Variants in USH2A observed in about 807,000 individuals in gnomAD.
USH2A encodes the protein usherin.
Under a neutral mutation model 538.9 loss-of-function variants are expected in USH2A, and 443 were observed. The ratio of observed to expected loss-of-function variants is 0.82; its 90% CI spans 0.76 to 0.89. USH2A has a LOEUF of 0.89. USH2A is among the 40% of genes least tolerant of loss of function. The pLI, the probability that USH2A is intolerant of heterozygous loss-of-function variation, is 0.00. For synonymous variants in USH2A, 2,413 were observed against 2,273.5 expected, an observed-to-expected ratio of 1.06 and a Z score of -1.75; for missense variants, 6,633 against 6,324.8, an observed-to-expected ratio of 1.05 and a Z score of -1.65.
intron 9 of USH2A, among the ~76,000 whole-genome samples, chr1:216,308,305 G>A (rs11120755): frequency 0.27 from 40,583 of 151,988 alleles, 5,576 homozygotes; most frequent in Middle Eastern, 0.36. Context: ...TAGTGCAGCA[G>A]CACCTTCCCA....
chr1:215,759,632 T>C lies in USH2A; in HGVS notation c.11231+28A>G, dbSNP rs894930771. ...AGAGAAATGTACAAATCCTGCTGTA[T>C]GATTGGTAAAGTTTTCTTTTAGTTT... On this transcript the variant is annotated intron_variant, in intron 57 of 71. Transcript: ENST00000307340. The C allele has an allele frequency of 2.5e-6, 4 of 1,612,954 alleles. No homozygotes were observed. The Admixed American group carries it at 6.7e-5, about 27-fold the overall frequency.
chr1:215,671,264 G>T lies in USH2A; in HGVS notation c.13841C>A (p.Thr4614Asn). 1 of 1,614,054 alleles carries T rather than the reference G, an allele frequency of 6.2e-7. No homozygotes were observed. The highest frequency in any genetic ancestry group is 8.5e-7 in the Non-Finnish European group (1 of 1,179,990). ...RYEIRIQACT[T>N]LGCASSDWTF... ...CCAGTCACTTGATGCACATCCCAGG[G>T]TGGTGCACGCTTGAATTCGTATTTC... is the stretch of plus-strand genomic sequence containing the variant. Residue 4614 changes from threonine (T) to asparagine (N), a missense_variant, in exon 64 of 72, where the codon ACC becomes AAC. Transcript: ENST00000307340.
At chr1:216,029,578 A>G (rs1399556564) in intron 32 of USH2A, among the ~76,000 whole-genome samples, 1 of 152,028 alleles carries the variant, frequency 6.6e-6, no homozygotes, top group Non-Finnish European at 1.5e-5. Flanking sequence ...GGTAACTTTT[A>G]TTAGTGTCAT....
chr1:216,287,384 C>T (rs2036906049), intron 11 of USH2A, among the ~76,000 whole-genome samples: 1 of 152,150 alleles, frequency 6.6e-6, no homozygotes, highest in African/African-American at 2.4e-5. Flanking sequence ...TAATTAGCTC[C>T]ACTTTATAAG....
At chr1:215,734,786 C>A (rs1380590640) in intron 60 of USH2A, among the ~76,000 whole-genome samples, 1 of 152,148 alleles carries the variant, frequency 6.6e-6, no homozygotes, top group East Asian at 1.9e-4. Flanking sequence ...ACAAGGGTGA[C>A]CTTTACTCTA....
intron 47 of USH2A, among the ~76,000 whole-genome samples, chr1:215,824,177 T>G (rs1663092441): frequency 6.6e-6 from 1 of 152,116 alleles, no homozygotes; most frequent in African/African-American, 2.4e-5. Context: ...AAACAGCAAC[T>G]TTAGTATATT....
chr1:215,838,932 T>C (rs1663602089), intron 46 of USH2A, among the ~76,000 whole-genome samples: 1 of 152,204 alleles, frequency 6.6e-6, no homozygotes, highest in Admixed American at 6.5e-5. Context: ...GCAAGCTAGG[T>C]ACTGATGAAT....
At chr1:216,002,676 G>C (rs1668292961) in intron 32 of USH2A, among the ~76,000 whole-genome samples, 1 of 151,984 alleles carries the variant, frequency 6.6e-6, no homozygotes, top group Admixed American at 6.6e-5. Context: ...AAAATTCTTT[G>C]GCCAGTGAAC....
chr1:215,650,886 A>G, intron 64 of USH2A, 85 bp from the exon 65 acceptor site: 2 of 1,505,140 alleles, frequency 1.3e-6, no homozygotes, highest in South Asian at 1.2e-5. Flanking sequence ...AAAAAAAACG[A>G]AATTGGCAAC....
chr1:215,670,899 G>T, intron 64 of USH2A, 73 bp downstream of exon 64: 1 of 1,466,890 alleles, frequency 6.8e-7, no homozygotes, highest in Non-Finnish European at 9.5e-7. Context: ...TTCAAATTGT[G>T]CACCATTTTT....
chr1:215,824,677 C>CA (rs1228305241), intron 47 of USH2A, among the ~76,000 whole-genome samples: 2 of 152,116 alleles, frequency 1.3e-5, no homozygotes, highest in Admixed American at 1.3e-4. Context: ...TGGATGTCCT[C>CA]ACAGAGATAG....
chr1:215,852,763 G>C (rs778589322), intron 44 of USH2A, among the ~76,000 whole-genome samples: 1 of 152,200 alleles, frequency 6.6e-6, no homozygotes, highest in Non-Finnish European at 1.5e-5. Context: ...ATCAAGCAGG[G>C]AAGTCAAATC....
rs572325769 is a variant in USH2A at position 216,314,482 on chromosome 1, G to A, written c.1644+7401C>T. Among the ~76,000 whole-genome samples, 6 of 151,756 alleles carry A rather than the reference G, an allele frequency of 4.0e-5. No homozygotes were observed. In the South Asian group the frequency reaches 8.3e-4, roughly 21 times the overall value. On this transcript the variant is annotated intron_variant, in intron 9 of 71. Coordinates refer to ENST00000307340, the MANE Select transcript of USH2A (RefSeq NM_206933.4). Reference sequence around the variant, plus strand: ...AAAATATATTTAGGGTAAAATCTGCGAACAAACAGAGAAAAAATAAGCAGT... The same window carrying A: ...AAAATATATTTAGGGTAAAATCTGCAAACAAACAGAGAAAAAATAAGCAGT...
intron 49 of USH2A, among the ~76,000 whole-genome samples, chr1:215,801,712 T>G (rs766256590): frequency 5.3e-5 from 8 of 152,138 alleles, no homozygotes; most frequent in Non-Finnish European, 1.0e-4. Context: ...TCAAGTGATC[T>G]ACAGAATCAA....
intron 22 of USH2A, 49 bp downstream of exon 22, chr1:216,097,034 G>A: frequency 6.5e-7 from 1 of 1,529,440 alleles, no homozygotes; most frequent in Non-Finnish European, 8.9e-7. Context: ...TCAGTACCAG[G>A]CACCTACTAA....
chr1:216,115,690 G>A (rs2032991445), intron 21 of USH2A, among the ~76,000 whole-genome samples: 2 of 151,692 alleles, frequency 1.3e-5, no homozygotes, highest in African/African-American at 4.8e-5. Flanking sequence ...TGAATAAATT[G>A]AATTTATTCA....
At chr1:215,687,774 T>C (rs537695071) in intron 61 of USH2A, among the ~76,000 whole-genome samples, 1 of 152,230 alleles carries the variant, frequency 6.6e-6, no homozygotes, top group Non-Finnish European at 1.5e-5. Context: ...CTAAAACTCA[T>C]ATAAAAATTT....
At chr1:215,895,943 A>T (rs1041403658) in intron 40 of USH2A, among the ~76,000 whole-genome samples, 5 of 152,218 alleles carry the variant, frequency 3.3e-5, no homozygotes, top group Non-Finnish European at 4.4e-5. Flanking sequence ...TACTGTAGGC[A>T]TTTGTCACAC....
intron 9 of USH2A, among the ~76,000 whole-genome samples, chr1:216,295,098 G>A (rs2037077093): frequency 2.0e-5 from 3 of 151,684 alleles, no homozygotes; most frequent in Admixed American, 1.3e-4. Context: ...TAATGAAAAT[G>A]TCTATAATGT....
Sources: gnomAD v4.1 joint callset for allele counts (sites outside exome capture counted in the v4.1 genomes callset) on GRCh38, gnomAD v4.1.1 for gene constraint, MANE v1.5 for transcripts, NCBI Gene and HGNC (gene_info 2026-07-23, HGNC 2026-07-21) for gene names.